NLRP1: variants seen among roughly 807,000 people sequenced by gnomAD.
The protein encoded by NLRP1 is NLR family pyrin domain containing 1.
NLRP1 carries 94 observed loss-of-function variants against 136.7 expected under a neutral mutation model. That is an observed-to-expected ratio of 0.69 (90% CI 0.58 to 0.82). The LOEUF (loss-of-function observed/expected upper bound fraction) is 0.82, where lower values mean the gene tolerates loss of function less well. Among genes scored for constraint, NLRP1 ranks in the 40% least tolerant of loss-of-function variants. The pLI, the probability that NLRP1 is intolerant of heterozygous loss-of-function variation, is 0.00. For synonymous variants in NLRP1, 690 were observed against 725.1 expected, an observed-to-expected ratio of 0.95 and a Z score of 0.78; for missense variants, 1,575 against 1,802.7, an observed-to-expected ratio of 0.87 and a Z score of 2.29.
chr17:5,526,384 T>G (rs1052397357), intron 12 of NLRP1, among the ~76,000 whole-genome samples: 4 of 152,190 alleles, frequency 2.6e-5, no homozygotes, highest in Non-Finnish European at 4.4e-5. Context: ...TTTTGAGGCC[T>G]GAGGGATACC....
intron 7 of NLRP1, among the ~76,000 whole-genome samples, chr17:5,538,025 T>C (rs973738906): frequency 6.6e-6 from 1 of 152,230 alleles, no homozygotes; most frequent in African/African-American, 2.4e-5. Context: ...TATTTATTTC[T>C]GTTATTCTGC....
Position 5,541,440 on chromosome 17 carries a change from C to T in NLRP1, c.2699+417G>A, listed in dbSNP as rs1446231288. On this transcript the variant is annotated intron_variant, in intron 6 of 16. Transcript: ENST00000572272. This position sits in a 1 kb window ranked among gnomAD's most constrained non-coding sequence, Gnocchi z 4.2. ...CACCAGTGATTTCAGCTCTCCATGG[C>T]AGAACCCCATGCCAAGTAAGAGGAC... 3.3e-5 allele frequency among the ~76,000 whole-genome samples: 5 copies of T among 152,200 alleles called. No individual in the cohort carries two copies. The highest frequency in any genetic ancestry group is 2.6e-4 in the Admixed American group (4 of 15,286).
At chr17:5,554,993 C>T (rs1913858093) in intron 4 of NLRP1, among the ~76,000 whole-genome samples, 1 of 147,590 alleles carries the variant, frequency 6.8e-6, no homozygotes, top group African/African-American at 2.6e-5. Context: ...CTGCACTATT[C>T]CTGGGAGACA....
chr17:5,526,740 A>G (rs1483654417), intron 12 of NLRP1, among the ~76,000 whole-genome samples: 1 of 152,168 alleles, frequency 6.6e-6, no homozygotes, highest in Non-Finnish European at 1.5e-5. Context: ...TGGTCTTGAC[A>G]TTCTTAATCA....
chr17:5,555,017 T>TCTCA (rs1028827154), intron 4 of NLRP1, among the ~76,000 whole-genome samples: 21 of 142,442 alleles, frequency 1.5e-4, no homozygotes, highest in African/African-American at 4.0e-4. Flanking sequence ...TGAGATCCCA[T>TCTCA]CACACACACA....
chr17:5,563,295 CAT>C (rs1277044963), intron 3 of NLRP1, among the ~76,000 whole-genome samples: 1 of 152,056 alleles, frequency 6.6e-6, no homozygotes, highest in Admixed American at 6.5e-5. Context: ...AAATGACAGA[CAT>C]AGAATTCAGA....
chr17:5,561,545 G>C lies in NLRP1; in HGVS notation c.653-1502C>G, dbSNP rs546879935. On this transcript the variant is annotated intron_variant, in intron 3 of 16. Coordinates refer to ENST00000572272, the MANE Select transcript of NLRP1 (RefSeq NM_033004.4). The stretch of plus-strand genomic sequence containing the variant: ...TGCAAGCTCCGCTTCCCGGGTTCAC[G>C]CCATTCTCCTGCCTCAGCCTCCCGA... Among the ~76,000 whole-genome samples the C allele has an allele frequency of 9.6e-4, 67 of 70,096 alleles. 15 individuals carry two copies. The South Asian group carries it at 0.032, about 33-fold the overall frequency. The allele number at this position is 70,096 out of a possible 152,430, so 46.0% of individuals were successfully genotyped here. A position where few individuals can be genotyped will look rare whatever the true frequency, so the allele number is the denominator to read the frequency against.
Position 5,559,563 on chromosome 17 carries a change from A to G in NLRP1, c.1133T>C (p.Val378Ala), listed in dbSNP as rs1914494924. Reference protein sequence around the residue: ...SCRELAQSKVVSLAELIGKDG... With the variant: ...SCRELAQSKVASLAELIGKDG... Reference sequence around the variant, plus strand: ...TTTTCCGATGAGCTCAGCGAGACTCACCACCTTGGACTGGGCCAGCTCTCT... The same window carrying G: ...TTTTCCGATGAGCTCAGCGAGACTCGCCACCTTGGACTGGGCCAGCTCTCT... Residue 378 changes from valine to alanine, a missense_variant, in exon 4 of 17, where the codon GTG becomes GCG. Physicochemically the swap from Val to Ala is moderately conservative, Grantham distance 64. Transcript: ENST00000572272. 2 of 1,614,046 alleles carry G rather than the reference A, an allele frequency of 1.2e-6. No individual in the cohort carries two copies. Among genetic ancestry groups the G allele is most frequent in the South Asian group, 1.1e-5 (1 of 91,086 alleles).
intron 3 of NLRP1, among the ~76,000 whole-genome samples, chr17:5,575,716 C>T (rs1054349074): frequency 5.3e-5 from 8 of 152,196 alleles, no homozygotes; most frequent in East Asian, 1.9e-4. Flanking sequence ...GACAGATCAA[C>T]GAGACAGAAA....
exon 16 of NLRP1, chr17:5,501,847 G>C: frequency 6.2e-7 from 1 of 1,613,988 alleles, no homozygotes; most frequent in Non-Finnish European, 8.5e-7. Flanking sequence ...TGCACCTGAG[G>C]TTCCACGGCT....
rs1250939556 is a variant in NLRP1 at position 5,558,541 on chromosome 17, G to A, written c.2155C>T (p.Leu719Phe). 5.0e-6 allele frequency: 8 copies of A among 1,613,948 alleles called. No homozygotes were observed. In the Admixed American group the frequency reaches 1.2e-4, roughly 24 times the overall value. The change falls in exon 4 of 17, where the codon CTC (leucine) becomes TTC (phenylalanine). Residue 719 changes from leucine to phenylalanine, a missense_variant. Physicochemically the swap from Leu to Phe is conservative, Grantham distance 22. Coordinates refer to ENST00000572272, the MANE Select transcript of NLRP1 (RefSeq NM_033004.4). ...LLLQPHSLESLHCLYETRNKT... is the reference protein window; with the variant it reads ...LLLQPHSLESFHCLYETRNKT... ...TTCCGAGTCTCGTACAAGCAGTGGA[G>A]GGACTCCAGAGAGTGTGGCTGCAGC...
chr17:5,538,263 G>A (rs1236929150), intron 7 of NLRP1, among the ~76,000 whole-genome samples: 2 of 152,150 alleles, frequency 1.3e-5, no homozygotes, highest in Non-Finnish European at 2.9e-5. Context: ...CAGAGATAGT[G>A]TGGGGGTGGC....
chr17:5,568,418 T>C (rs1388810827), intron 3 of NLRP1, among the ~76,000 whole-genome samples: 1 of 152,188 alleles, frequency 6.6e-6, no homozygotes, highest in African/African-American at 2.4e-5. Flanking sequence ...TTTTTAATTA[T>C]TTCAATCTCT....
Position 5,577,137 on chromosome 17 carries a change from C to G in NLRP1, c.652+4722G>C, listed in dbSNP as rs191646228. Among the ~76,000 whole-genome samples the G allele has an allele frequency of 2.0e-3, 309 of 152,264 alleles. 1 individual carries two copies. The highest frequency in any genetic ancestry group is 7.2e-3 in the African/African-American group (300 of 41,562). On this transcript the variant is annotated intron_variant, in intron 3 of 16. Coordinates refer to ENST00000572272, the MANE Select transcript of NLRP1 (RefSeq NM_033004.4). ...TCAAAATAATAAGAGCTATTTATGG[C>G]AAACCGACAGCCAATATCATACTGA... is the stretch of plus-strand genomic sequence containing the variant.
chr17:5,533,390 GA>G lies in NLRP1; in HGVS notation c.3053-7del. The G allele has an allele frequency of 2.0e-6, 2 of 989,918 alleles. No homozygotes were observed. Among genetic ancestry groups the G allele is most frequent in the Middle Eastern group, 2.0e-4 (1 of 4,948 alleles). 61.3% of individuals were successfully genotyped at this position (989,918 alleles called of 1,614,324 possible). On this transcript the variant is annotated splice_region_variant and splice_polypyrimidine_tract_variant and intron_variant, in intron 9 of 16. Transcript: ENST00000572272. ...AACATGGGAAGCCGCCCTCTCTACA[GA>G]AAAAAGAAAAATATCAGCCAGGCAT... is the stretch of plus-strand genomic sequence containing the variant.
chr17:5,563,431 C>A (rs1465198457), intron 3 of NLRP1, among the ~76,000 whole-genome samples: 2 of 152,086 alleles, frequency 1.3e-5, no homozygotes, highest in Non-Finnish European at 2.9e-5. Flanking sequence ...AGGAAAGAAC[C>A]AAACTGATCT....
At chr17:5,555,359 T>A (rs553531669) in intron 4 of NLRP1, among the ~76,000 whole-genome samples, 6 of 152,274 alleles carry the variant, frequency 3.9e-5, no homozygotes, top group African/African-American at 1.2e-4. Flanking sequence ...TTGTTTTTTT[T>A]ATAGTAGCTT....
intron 3 of NLRP1, 22 bp downstream of exon 3, chr17:5,581,837 C>T: frequency 6.2e-7 from 1 of 1,601,614 alleles, no homozygotes; most frequent in African/African-American, 1.3e-5. Flanking sequence ...ACCACCCCGC[C>T]AGGAGCTCAG....
intron 3 of NLRP1, among the ~76,000 whole-genome samples, chr17:5,569,168 A>C (rs867000998): frequency 1.3e-5 from 2 of 152,166 alleles, no homozygotes; most frequent in Non-Finnish European, 1.5e-5. Flanking sequence ...CCACCATAAA[A>C]CACACTAAAG....
Sources: gnomAD v4.1 joint callset for allele counts (sites outside exome capture counted in the v4.1 genomes callset) on GRCh38, gnomAD v4.1.1 for gene constraint, Gnocchi (gnomAD v3.1) non-coding constraint, MANE v1.5 for transcripts, NCBI Gene and HGNC (gene_info 2026-07-23, HGNC 2026-07-21) for gene names.